Variants in PCDHGA3 observed in about 807,000 individuals in gnomAD.
PCDHGA3 encodes the protein protocadherin gamma subfamily A, 3, also known as protocadherin gamma-A3.
PCDHGA3 carries 40 observed loss-of-function variants against 58.5 expected under a neutral mutation model. The ratio of observed to expected loss-of-function variants is 0.68; its 90% CI spans 0.53 to 0.89. The LOEUF is 0.89. PCDHGA3 is among the 40% of genes least tolerant of loss of function. PCDHGA3 has a pLI of 0.00. For synonymous variants in PCDHGA3, 530 were observed against 525.7 expected (o/e 1.01, Z -0.11); for missense variants, 1,223 against 1,195.9 (o/e 1.02, Z -0.33).
At chr5:141,360,207 G>C in intron 1 of PCDHGA3, 1 of 1,613,064 alleles carries the variant, frequency 6.2e-7, no homozygotes, top group Non-Finnish European at 8.5e-7. Flanking sequence ...TGTTGTCTTT[G>C]TTCCCCGGGG....
chr5:141,351,569 C>G (rs191804700), intron 1 of PCDHGA3: 1 of 1,614,062 alleles, frequency 6.2e-7, no homozygotes, highest in Non-Finnish European at 8.5e-7. Flanking sequence ...CATCACCCTG[C>G]ACATCTCCGA....
chr5:141,417,766 C>T (rs564920153), intron 1 of PCDHGA3: 7 of 1,442,472 alleles, frequency 4.9e-6, no homozygotes, highest in African/African-American at 4.3e-5. Context: ...AGACCCGGGA[C>T]TCCTCCTGTC....
intron 1 of PCDHGA3, chr5:141,376,307 G>C: frequency 6.2e-7 from 1 of 1,614,192 alleles, no homozygotes; most frequent in Non-Finnish European, 8.5e-7. Flanking sequence ...GCACTTTGTG[G>C]GCGTGGAAGG....
intron 1 of PCDHGA3, chr5:141,361,497 G>C: frequency 6.2e-7 from 1 of 1,614,042 alleles, no homozygotes; most frequent in Non-Finnish European, 8.5e-7. Flanking sequence ...TTTTCCAACA[G>C]ACTTCCTACA....
chr5:141,356,454 T>C, intron 1 of PCDHGA3: 1 of 1,613,414 alleles, frequency 6.2e-7, no homozygotes, highest in Non-Finnish European at 8.5e-7. Context: ...TCTCAGAATA[T>C]AACATCACTG....
intron 1 of PCDHGA3, chr5:141,471,515 T>C (rs931181988): frequency 2.6e-5 from 4 of 152,276 alleles, no homozygotes; most frequent in African/African-American, 9.6e-5. Context: ...GGAGTAAAAA[T>C]AACAGCGAGG....
chr5:141,423,699 T>C, intron 1 of PCDHGA3: 1 of 1,469,146 alleles, frequency 6.8e-7, no homozygotes, highest in East Asian at 2.5e-5. Context: ...GTTGGTGTCT[T>C]GGCACAAGTC....
At chr5:141,419,713 C>T in intron 1 of PCDHGA3, 1 of 1,613,264 alleles carries the variant, frequency 6.2e-7, no homozygotes, top group East Asian at 2.2e-5. Context: ...GGCTCTTCAG[C>T]CTGGGGCTGC....
chr5:141,389,058 A>G, intron 1 of PCDHGA3: 2 of 1,614,020 alleles, frequency 1.2e-6, no homozygotes, highest in Non-Finnish European at 1.7e-6. Flanking sequence ...TCCATTTAAA[A>G]TATTAACTTC....
Position 141,345,556 on chromosome 5 carries a change from A to C in PCDHGA3, c.1523A>C (p.Asn508Thr), listed in dbSNP as rs1757595132. The C allele has an allele frequency of 6.2e-7, 1 of 1,613,822 alleles. No individual in the cohort carries two copies. Among genetic ancestry groups the C allele is most frequent in the Non-Finnish European group, 8.5e-7 (1 of 1,179,966 alleles). Reference sequence around the variant, plus strand: ...CCCCTGTCCTCCTTCGTCTCTATCAACTCCAACACTGGCGTCCTATACGCG... The same window carrying C: ...CCCCTGTCCTCCTTCGTCTCTATCACCTCCAACACTGGCGTCCTATACGCG... ...GAPLSSFVSI[N>T]SNTGVLYALR... is the part of the protein sequence containing the mutation. Residue 508 changes from asparagine to threonine, a missense_variant, in exon 1 of 4, where the codon AAC becomes ACC. Around this residue, in one of 3 missense-constraint regions of PCDHGA3, gnomAD observed 791 missense variants for 708.5 expected, o/e 1.12. Coordinates refer to ENST00000253812, the MANE Select transcript of PCDHGA3 (RefSeq NM_018916.4).
chr5:141,388,060 A>G lies in PCDHGA3; in HGVS notation c.2424+41603A>G, dbSNP rs1429863107. 16 of 1,381,916 alleles carry G rather than the reference A, an allele frequency of 1.2e-5. No individual in the cohort carries two copies. The highest frequency in any genetic ancestry group is 2.5e-5 in the East Asian group (1 of 40,268). The allele number at this position is 1,381,916 out of a possible 1,614,324, so 85.6% of individuals were successfully genotyped here. Reference sequence around the variant, plus strand: ...GCCACGGACCTGGGGTTCAGCGTCCAGGAGTTACCGACTCGAAAACTGCGC... The same window carrying G: ...GCCACGGACCTGGGGTTCAGCGTCCGGGAGTTACCGACTCGAAAACTGCGC... On this transcript the variant is annotated intron_variant, in intron 1 of 3. Transcript: ENST00000253812.
chr5:141,344,807 T>G lies in PCDHGA3; in HGVS notation c.774T>G (p.Gly258=), dbSNP rs764222927. 6.2e-7 allele frequency: 1 copy of G among 1,613,960 alleles called. No homozygotes were observed. The highest frequency in any genetic ancestry group is 1.1e-5 in the South Asian group (1 of 91,080). ...RVSVWENVPV[G]TRLLTVNATD... ...GTGTTTGGGAGAACGTGCCTGTGGG[T>G]ACCCGGCTGCTCACGGTGAATGCCA... is the stretch of plus-strand genomic sequence containing the variant. The change falls in exon 1 of 4, where the codon GGT becomes GGG. Residue 258 remains glycine, a synonymous_variant. Coordinates refer to ENST00000253812, the MANE Select transcript of PCDHGA3 (RefSeq NM_018916.4).
At position 141,382,739 on chromosome 5, in the gene PCDHGA3, G is replaced by A. The variant is rs1005950630; in HGVS notation, c.2424+36282G>A. 8.7e-6 allele frequency: 5 copies of A among 573,776 alleles called. No homozygotes were observed. The African/African-American group carries it at 9.3e-5, about 11-fold the overall frequency. The allele number at this position is 573,776 out of a possible 1,614,324, so 35.5% of individuals were successfully genotyped here. On this transcript the variant is annotated intron_variant, in intron 1 of 3. Coordinates refer to ENST00000253812, the MANE Select transcript of PCDHGA3 (RefSeq NM_018916.4). ...ACCGAGTTTTACAGCACAGAGAAACGACAGATTGCGATAAGCCCTCTTCCA... is the reference window on the plus strand; with the variant it reads ...ACCGAGTTTTACAGCACAGAGAAACAACAGATTGCGATAAGCCCTCTTCCA...
chr5:141,360,432 G>A lies in PCDHGA3; in HGVS notation c.2424+13975G>A, dbSNP rs753356248. Reference sequence around the variant, plus strand: ...ACCGAGAACAGATATGCGGGAAGCAGCCTCTGTGTGTTCTGGATTTCGATA... The same window carrying A: ...ACCGAGAACAGATATGCGGGAAGCAACCTCTGTGTGTTCTGGATTTCGATA... On this transcript the variant is annotated intron_variant, in intron 1 of 3. Coordinates refer to ENST00000253812, the MANE Select transcript of PCDHGA3 (RefSeq NM_018916.4). 45 of 1,613,876 alleles carry A rather than the reference G, an allele frequency of 2.8e-5. No homozygotes were observed. In the Admixed American group the frequency reaches 6.8e-4, roughly 25 times the overall value.
chr5:141,394,487 C>T (rs371014360), intron 1 of PCDHGA3: 11 of 1,614,248 alleles, frequency 6.8e-6, no homozygotes, highest in African/African-American at 5.3e-5. Context: ...AGAATGACAA[C>T]GCGCCCGAGA....
chr5:141,371,033 A>G, intron 1 of PCDHGA3: 2 of 1,614,008 alleles, frequency 1.2e-6, no homozygotes, highest in Non-Finnish European at 1.7e-6. Context: ...TGGTCCTCAC[A>G]GCTGTGGATG....
intron 1 of PCDHGA3, chr5:141,393,430 C>A: frequency 6.2e-7 from 1 of 1,614,040 alleles, no homozygotes. Flanking sequence ...GAGGAAGAGG[C>A]TGCTCACCAC....
In PCDHGA3 at chr5:141,476,990, C is replaced by A; in HGVS notation, c.2425-17817C>A. On this transcript the variant is annotated intron_variant, in intron 1 of 3. Coordinates refer to ENST00000253812, the MANE Select transcript of PCDHGA3 (RefSeq NM_018916.4). The surrounding 1 kb of genome is among the most constrained non-coding windows in gnomAD (Gnocchi z 7.6). Reference sequence around the variant, plus strand: ...CGGCAGCCACAACCGCGCCGGCGTGCGGCAACTATTCGCCTTAGACCTTGT... The same window carrying A: ...CGGCAGCCACAACCGCGCCGGCGTGAGGCAACTATTCGCCTTAGACCTTGT... The A allele has an allele frequency of 6.2e-7, 1 of 1,614,220 alleles. No individual in the cohort carries two copies. Among genetic ancestry groups the A allele is most frequent in the South Asian group, 1.1e-5 (1 of 91,090 alleles).
rs761202330 is a variant in PCDHGA3 at position 141,489,878 on chromosome 5, C to T, written c.2425-4929C>T. 1.1e-5 allele frequency: 17 copies of T among 1,614,116 alleles called. No individual in the cohort carries two copies. In the East Asian group the frequency reaches 3.6e-4, roughly 34 times the overall value. On this transcript the variant is annotated intron_variant, in intron 1 of 3. Transcript: ENST00000253812. This position sits in a 1 kb window ranked among gnomAD's most constrained non-coding sequence, Gnocchi z 4.5. ...CAGGCAAGACATCAGCTGGTGCTTA[C>T]TGCTGTGGATGGGGGGACCCCAGCC... is the stretch of plus-strand genomic sequence containing the variant.
Sources: allele counts gnomAD v4.1 joint callset, GRCh38; gene constraint gnomAD v4.1.1; regional missense constraint gnomAD v4.1.1; non-coding constraint Gnocchi (gnomAD v3.1); transcripts MANE v1.5; gene names NCBI Gene and HGNC (gene_info 2026-07-23, HGNC 2026-07-21).